CCDC141: variants seen among roughly 807,000 people sequenced by gnomAD.
CCDC141 encodes the protein coiled-coil domain-containing protein 141.
CCDC141 carries 168 observed loss-of-function variants against 181.0 expected under a neutral mutation model. The observed-to-expected ratio is 0.93, with a 90% CI of 0.82 to 1.05. The LOEUF (loss-of-function observed/expected upper bound fraction) is 1.05. Ranked by LOEUF, CCDC141 falls within the 50% of genes least tolerant of loss-of-function variation. The pLI is 0.00. For missense variants in CCDC141, 1,902 were observed against 1,788.5 expected (o/e 1.06, Z -1.14); for synonymous variants, 666 against 642.3 (o/e 1.04, Z -0.56).
rs940733919 is a variant in CCDC141 at position 178,830,422 on chromosome 2, T to C, written c.*3751A>G. 1 of 152,242 alleles carries C rather than the reference T, an allele frequency of 6.6e-6. No homozygotes were observed. Among genetic ancestry groups the C allele is most frequent in the Admixed American group, 6.5e-5 (1 of 15,274 alleles). 9.4% of individuals were successfully genotyped at this position (152,242 alleles called of 1,614,324 possible). A position where few individuals can be genotyped will look rare whatever the true frequency, so the allele number is the denominator to read the frequency against. On this transcript the variant is annotated 3_prime_UTR_variant, in exon 24 of 24. Coordinates refer to ENST00000443758, the MANE Select transcript of CCDC141 (RefSeq NM_173648.4). The stretch of plus-strand genomic sequence containing the variant: ...TTCATTGTTAGGGCCTGATTCGGAT[T>C]GACTCCTGTCTATAAGAAGGGAGAA...
chr2:179,046,871 A>G (rs184884386), intron 2 of CCDC141, among the ~76,000 whole-genome samples: 2 of 152,340 alleles, frequency 1.3e-5, no homozygotes, highest in East Asian at 3.9e-4. Flanking sequence ...ACAGAATCAG[A>G]TATTTTCAAT....
chr2:178,917,135 T>C (rs1688490556), intron 7 of CCDC141, among the ~76,000 whole-genome samples: 1 of 152,198 alleles, frequency 6.6e-6, no homozygotes, highest in Admixed American at 6.5e-5. Flanking sequence ...TATAGCAATA[T>C]GTTTGATAAT....
At chr2:178,998,122 G>A (rs1692372166) in intron 2 of CCDC141, among the ~76,000 whole-genome samples, 2 of 139,444 alleles carry the variant, frequency 1.4e-5, no homozygotes, top group Admixed American at 1.4e-4. Context: ...TTTGTATATT[G>A]ATTTCTAGTT....
intron 6 of CCDC141, among the ~76,000 whole-genome samples, chr2:178,921,861 TC>T (rs1182457417): frequency 3.3e-5 from 5 of 152,232 alleles, no homozygotes; most frequent in African/African-American, 1.2e-4. Context: ...CTTTGTACCA[TC>T]CTTTCTTCTT....
chr2:178,920,409 ATGCCT>A (rs1173119020), intron 6 of CCDC141, among the ~76,000 whole-genome samples: 1 of 152,168 alleles, frequency 6.6e-6, no homozygotes, highest in Non-Finnish European at 1.5e-5. Context: ...GCTAAGACAG[ATGCCT>A]TGGGGAATAT....
intron 2 of CCDC141, among the ~76,000 whole-genome samples, chr2:179,017,112 T>C (rs1187364268): frequency 6.6e-6 from 1 of 152,174 alleles, no homozygotes; most frequent in East Asian, 1.9e-4. Flanking sequence ...TCAAATTTTC[T>C]ACTTTATCCA....
downstream of CCDC141, among the ~76,000 whole-genome samples, chr2:178,829,021 C>G (rs1310977862): frequency 6.6e-6 from 1 of 152,086 alleles, no homozygotes; most frequent in East Asian, 1.9e-4. Context: ...TTGATGTTTA[C>G]ATGCATTCTA....
At chr2:178,986,509 A>G (rs1409283534) in intron 2 of CCDC141, among the ~76,000 whole-genome samples, 1 of 152,204 alleles carries the variant, frequency 6.6e-6, no homozygotes, top group Non-Finnish European at 1.5e-5. Flanking sequence ...TTCAATCAGG[A>G]AAAGGGGAAG....
intron 7 of CCDC141, among the ~76,000 whole-genome samples, chr2:178,908,018 T>A (rs576869626): frequency 1.3e-4 from 19 of 151,106 alleles, no homozygotes; most frequent in African/African-American, 3.4e-4. Context: ...AAAAAAAAAA[T>A]AAACAATGAA....
intron 13 of CCDC141, 92 bp from the exon 14 acceptor site, chr2:178,871,644 T>G: frequency 1.4e-6 from 2 of 1,420,026 alleles, no homozygotes; most frequent in East Asian, 2.4e-5. Context: ...TGTGATCAAA[T>G]TTTTCAAACC....
intron 6 of CCDC141, among the ~76,000 whole-genome samples, chr2:178,934,203 C>T (rs1366156392): frequency 6.6e-6 from 1 of 152,078 alleles, no homozygotes; most frequent in South Asian, 2.1e-4. Flanking sequence ...TGAACTTAAC[C>T]AAGGGTTGAA....
chr2:178,953,567 C>T (rs986484873), intron 5 of CCDC141, among the ~76,000 whole-genome samples: 16 of 152,142 alleles, frequency 1.1e-4, no homozygotes, highest in African/African-American at 3.6e-4. Flanking sequence ...AGAGGCTGAT[C>T]GTGCATCATT....
chr2:178,853,755 A>G (rs1685267004), intron 19 of CCDC141, 131 bp from the exon 20 acceptor site: 1 of 662,586 alleles, frequency 1.5e-6, no homozygotes, highest in Non-Finnish European at 2.5e-6. Flanking sequence ...TTTCTAAGTC[A>G]TAATAAAGAA....
chr2:178,885,687 C>T (rs1686851893), intron 10 of CCDC141, among the ~76,000 whole-genome samples: 1 of 152,086 alleles, frequency 6.6e-6, no homozygotes, highest in Non-Finnish European at 1.5e-5. Context: ...GTTATGTGAA[C>T]TCCAACCACT....
intron 11 of CCDC141, among the ~76,000 whole-genome samples, chr2:178,883,061 T>C (rs1686703871): frequency 6.6e-6 from 1 of 152,186 alleles, no homozygotes; most frequent in Non-Finnish European, 1.5e-5. Flanking sequence ...TAAATTGTTG[T>C]TTGCAAAGCT....
At position 178,838,044 on chromosome 2, in the gene CCDC141, T is replaced by G. The variant is rs944560377; in HGVS notation, c.3475-300A>C. Among the ~76,000 whole-genome samples, 4 of 152,090 alleles carry G rather than the reference T, an allele frequency of 2.6e-5. No homozygotes were observed. The South Asian group carries it at 6.2e-4, about 24-fold the overall frequency. ...TCTGTAGTGAAGGGGTTGGACTAGATCAACATCTTTCAAACCATGATCTGG... is the reference window on the plus strand; with the variant it reads ...TCTGTAGTGAAGGGGTTGGACTAGAGCAACATCTTTCAAACCATGATCTGG... On this transcript the variant is annotated intron_variant, in intron 22 of 23. Transcript: ENST00000443758.
intron 13 of CCDC141, among the ~76,000 whole-genome samples, chr2:178,871,845 A>C (rs567128059): frequency 6.6e-6 from 1 of 152,154 alleles, no homozygotes; most frequent in Non-Finnish European, 1.5e-5. Flanking sequence ...TGTGCAATCA[A>C]CATCACCACC....
At chr2:178,845,170 T>C (rs1356884620) in intron 22 of CCDC141, among the ~76,000 whole-genome samples, 2 of 152,190 alleles carry the variant, frequency 1.3e-5, no homozygotes, top group Non-Finnish European at 1.5e-5. Context: ...GTAGAGTCTA[T>C]GGGAACAAGA....
intron 6 of CCDC141, among the ~76,000 whole-genome samples, chr2:178,932,499 T>C (rs979243527): frequency 2.0e-5 from 3 of 152,174 alleles, no homozygotes; most frequent in African/African-American, 7.2e-5. Context: ...CATGTAATCC[T>C]TAGAAAACAC....
Sources: gnomAD v4.1 joint callset for allele counts (sites outside exome capture counted in the v4.1 genomes callset) on GRCh38, gnomAD v4.1.1 for gene constraint, MANE v1.5 for transcripts, NCBI Gene and HGNC (gene_info 2026-07-23, HGNC 2026-07-21) for gene names.